Variants in MAPK9 observed in about 807,000 individuals in gnomAD.
MAPK9 encodes the protein Jun kinase.
In MAPK9, 30 loss-of-function variants were observed where a neutral mutation model predicts 57.1. The observed-to-expected ratio is 0.53, with a 90% confidence interval of 0.39 to 0.71. The LOEUF (loss-of-function observed/expected upper bound fraction) is 0.71. Ranked by LOEUF, MAPK9 falls within the 30% of genes least tolerant of loss-of-function variation. MAPK9 has a pLI of 0.00. For missense variants in MAPK9, 362 were observed against 521.0 expected (o/e 0.69, Z 2.97); for synonymous variants, 155 against 177.0 (o/e 0.88, Z 0.99).
chr5:180,256,787 G>A (rs1035211277), intron 5 of MAPK9, among the ~76,000 whole-genome samples: 3 of 152,188 alleles, frequency 2.0e-5, no homozygotes, highest in Admixed American at 2.0e-4. Flanking sequence ...CCCAGTGACA[G>A]GAGGCCATTG....
intron 5 of MAPK9, among the ~76,000 whole-genome samples, chr5:180,249,465 C>T (rs935852768): frequency 6.6e-6 from 1 of 151,702 alleles, no homozygotes; most frequent in Non-Finnish European, 1.5e-5. Context: ...CCGCTCTCCA[C>T]GCCTGGACTT....
At chr5:180,279,067 C>A (rs775786679) in intron 2 of MAPK9, among the ~76,000 whole-genome samples, 14 of 151,536 alleles carry the variant, frequency 9.2e-5, no homozygotes, top group Non-Finnish European at 1.6e-4. Flanking sequence ...AAGCGATTCT[C>A]TTGCCTCAGC....
chr5:180,290,452 T>C (rs148455818), intron 1 of MAPK9, among the ~76,000 whole-genome samples: 3 of 152,332 alleles, frequency 2.0e-5, no homozygotes, highest in African/African-American at 7.2e-5. Flanking sequence ...CATGCCTGCC[T>C]TCTCTACTGG....
intron 2 of MAPK9, among the ~76,000 whole-genome samples, chr5:180,277,534 T>C (rs1761933023): frequency 6.6e-6 from 1 of 152,194 alleles, no homozygotes; most frequent in Non-Finnish European, 1.5e-5. Context: ...GCTAAATTCC[T>C]TTTGCCATGT....
At chr5:180,260,795 T>A (rs2127594963) in intron 5 of MAPK9, among the ~76,000 whole-genome samples, 1 of 152,354 alleles carries the variant, frequency 6.6e-6, no homozygotes, top group Non-Finnish European at 1.5e-5. Flanking sequence ...CTGTTGGGGT[T>A]TTCTTACTGG....
chr5:180,246,294 T>C (rs539088908), intron 7 of MAPK9: 3 of 152,284 alleles, frequency 2.0e-5, no homozygotes, highest in African/African-American at 7.2e-5. Context: ...GATGAGGCTA[T>C]GGAAACTGCT....
rs1161250174 is a variant in MAPK9 at position 180,236,118 on chromosome 5, C to T, written c.*266G>A. ...AAACTGTCACTAGTACAATTTGAAACAAATTCACCTACTCTAACTGCTCAC... is the reference window on the plus strand; with the variant it reads ...AAACTGTCACTAGTACAATTTGAAATAAATTCACCTACTCTAACTGCTCAC... On this transcript the variant is annotated 3_prime_UTR_variant, in exon 12 of 12. Coordinates refer to ENST00000452135, the MANE Select transcript of MAPK9 (RefSeq NM_002752.5). 9 of 280,598 alleles carry T rather than the reference C, an allele frequency of 3.2e-5. No homozygotes were observed. The highest frequency in any genetic ancestry group is 6.0e-5 in the Non-Finnish European group (9 of 150,354). The allele number at this position is 280,598 out of a possible 1,614,324, so 17.4% of individuals were successfully genotyped here. A position where few individuals can be genotyped will look rare whatever the true frequency, so the allele number is the denominator to read the frequency against.
In MAPK9 at chr5:180,242,724, C is replaced by A; in HGVS notation, c.720G>T (p.Gln240His). ...HIDQWNKVIE[Q>H]LGTPSAEFMK... is the part of the protein sequence containing the mutation. ...TGAACTCTGCTGATGGTGTTCCCAGCTGCTCAATAACTTTATTCCACTGAT... is the reference window on the plus strand; with the variant it reads ...TGAACTCTGCTGATGGTGTTCCCAGATGCTCAATAACTTTATTCCACTGAT... The change falls in exon 8 of 12, where the codon CAG (glutamine) becomes CAT (histidine). Residue 240 changes from glutamine (Q) to histidine (H), a missense_variant. Physicochemically the swap from Gln to His is conservative, Grantham distance 24 (BLOSUM62 0). Around this residue, in one of 3 missense-constraint regions of MAPK9, gnomAD observed 199 missense variants for 251.3 expected, o/e 0.79. Transcript: ENST00000452135. 6.2e-7 allele frequency: 1 copy of A among 1,613,790 alleles called. No homozygotes were observed. Among genetic ancestry groups the A allele is most frequent in the South Asian group, 1.1e-5 (1 of 91,036 alleles).
chr5:180,257,848 G>T, intron 5 of MAPK9: 1 of 177,502 alleles, frequency 5.6e-6, no homozygotes, highest in Admixed American at 5.6e-5. Flanking sequence ...TTCTGCTGAT[G>T]TAAATTCATG....
chr5:180,269,501 A>G, intron 2 of MAPK9, 92 bp from the exon 3 acceptor site: 1 of 1,232,690 alleles, frequency 8.1e-7, no homozygotes, highest in South Asian at 1.3e-5. Context: ...CATCTTTTTA[A>G]TAAGTAACAA....
intron 5 of MAPK9, among the ~76,000 whole-genome samples, chr5:180,254,213 C>T (rs1013124682): frequency 9.2e-5 from 14 of 152,216 alleles, no homozygotes; most frequent in African/African-American, 2.6e-4. Context: ...GTGATCTGCC[C>T]GCCTCAGTCT....
At chr5:180,244,339 A>G (rs1757904208) in intron 7 of MAPK9, among the ~76,000 whole-genome samples, 1 of 152,098 alleles carries the variant, frequency 6.6e-6, no homozygotes, top group Non-Finnish European at 1.5e-5. Context: ...CTTCTCCAAC[A>G]TCATCGACAT....
At position 180,242,461 on chromosome 5, in the gene MAPK9, G is replaced by A. The variant is rs562005485; in HGVS notation, c.871+112C>T. 383 of 957,754 alleles carry A rather than the reference G, an allele frequency of 4.0e-4. 2 individuals are homozygous for A. In the South Asian group the frequency reaches 6.3e-3, roughly 16 times the overall value. 59.3% of individuals were successfully genotyped at this position (957,754 alleles called of 1,614,324 possible). On this transcript the variant is annotated intron_variant, in intron 8 of 11. Coordinates refer to ENST00000452135, the MANE Select transcript of MAPK9 (RefSeq NM_002752.5). ...AGTGCCTTCGTACCTCAGACTTCAGGCCTAAAATGACTTTCTCTCCCAAAA... is the reference window on the plus strand; with the variant it reads ...AGTGCCTTCGTACCTCAGACTTCAGACCTAAAATGACTTTCTCTCCCAAAA...
chr5:180,280,262 G>T (rs1270614163), intron 2 of MAPK9, among the ~76,000 whole-genome samples, 178 bp downstream of exon 2: 1 of 152,052 alleles, frequency 6.6e-6, no homozygotes, highest in Admixed American at 6.5e-5. Flanking sequence ...AAGAATATGG[G>T]TTTGTACCCT....
chr5:180,266,031 G>T (rs1208164952), intron 3 of MAPK9, among the ~76,000 whole-genome samples: 2 of 150,372 alleles, frequency 1.3e-5, no homozygotes, highest in African/African-American at 4.9e-5. Flanking sequence ...TAAAAAATCA[G>T]TATGTCAACA....
chr5:180,259,960 A>G (rs1015514717), intron 5 of MAPK9, among the ~76,000 whole-genome samples: 2 of 152,262 alleles, frequency 1.3e-5, no homozygotes, highest in African/African-American at 4.8e-5. Context: ...AAAACATGAA[A>G]GAAATTATAC....
intron 10 of MAPK9, among the ~76,000 whole-genome samples, chr5:180,239,367 C>T (rs1325355247): frequency 6.6e-6 from 1 of 152,216 alleles, no homozygotes; most frequent in Non-Finnish European, 1.5e-5. Flanking sequence ...AGGTAACCGG[C>T]ACTCCCACAC....
intron 1 of MAPK9, among the ~76,000 whole-genome samples, chr5:180,291,585 C>T (rs1763241802): frequency 6.6e-6 from 1 of 152,046 alleles, no homozygotes; most frequent in South Asian, 2.1e-4. Flanking sequence ...GCCCCACCTC[C>T]GGGAGGGATG....
intron 5 of MAPK9, among the ~76,000 whole-genome samples, chr5:180,254,117 C>T (rs931841487): frequency 1.3e-5 from 2 of 152,172 alleles, no homozygotes; most frequent in Non-Finnish European, 2.9e-5. Context: ...TAGGCACCTG[C>T]CACCACGCCC....
Sources: gnomAD v4.1 joint callset for allele counts (sites outside exome capture counted in the v4.1 genomes callset) on GRCh38, gnomAD v4.1.1 for gene constraint, gnomAD v4.1.1 regional missense constraint, MANE v1.5 for transcripts, NCBI Gene and HGNC (gene_info 2026-07-23, HGNC 2026-07-21) for gene names.